The following API5 variants were observed in gnomAD, a reference collection of about 807,000 sequenced individuals.
The protein encoded by API5 is apoptosis inhibitor 5.
A neutral mutation model predicts 71.9 loss-of-function variants in API5; 6 were observed. The observed-to-expected ratio is 0.08, with a 90% CI of 0.05 to 0.16. The LOEUF (loss-of-function observed/expected upper bound fraction) is 0.16, where lower values mean the gene tolerates loss of function less well. Ranked by LOEUF, API5 falls within the 10% of genes least tolerant of loss-of-function variation. The pLI is 1.00. For missense variants in API5, 332 were observed against 612.8 expected, an observed-to-expected ratio of 0.54 and a Z score of 4.84; for synonymous variants, 189 against 221.3, an observed-to-expected ratio of 0.85 and a Z score of 1.30.
At chr11:43,322,469 CATAGT>C (rs1201843969) in intron 5 of API5, among the ~76,000 whole-genome samples, 2 of 152,136 alleles carry the variant, frequency 1.3e-5, no homozygotes, top group Non-Finnish European at 2.9e-5. Context: ...GATACTCTCT[CATAGT>C]ATTCTAAATT....
At chr11:43,315,913 T>A (rs949688442) in intron 1 of API5, among the ~76,000 whole-genome samples, 2 of 152,246 alleles carry the variant, frequency 1.3e-5, no homozygotes, top group Non-Finnish European at 2.9e-5. Flanking sequence ...TAAATATAGA[T>A]ACTTAATTTT....
intron 1 of API5, among the ~76,000 whole-genome samples, chr11:43,317,647 T>C (rs940475080): frequency 6.6e-5 from 10 of 152,184 alleles, no homozygotes; most frequent in African/African-American, 2.4e-4. Flanking sequence ...ACAGTGCAAT[T>C]CTTTGTGAAT....
intron 6 of API5, among the ~76,000 whole-genome samples, chr11:43,324,347 CTT>C (rs1279421651): frequency 6.6e-6 from 1 of 151,984 alleles, no homozygotes; most frequent in Non-Finnish European, 1.5e-5. Flanking sequence ...TTCCTAGAGA[CTT>C]TTTTTGAAAG....
intron 13 of API5, among the ~76,000 whole-genome samples, chr11:43,339,832 G>A (rs1362148881): frequency 6.6e-6 from 1 of 152,086 alleles, no homozygotes; most frequent in East Asian, 1.9e-4. Flanking sequence ...CCTGATTTTC[G>A]AAATTGATTA....
intron 2 of API5, among the ~76,000 whole-genome samples, 183 bp from the exon 3 acceptor site, chr11:43,320,638 A>G (rs2134348882): frequency 6.6e-6 from 1 of 151,952 alleles, no homozygotes; most frequent in East Asian, 1.9e-4. Context: ...GGCTAAGGCA[A>G]GAGGCTCTCT....
rs1855691232 is a variant in API5 at position 43,343,555 on chromosome 11, G to C, written c.*1045G>C. 1.3e-5 allele frequency: 2 copies of C among 152,602 alleles called. No homozygotes were observed. Among genetic ancestry groups the C allele is most frequent in the Admixed American group, 1.3e-4 (2 of 15,280 alleles). The allele number at this position is 152,602 out of a possible 1,614,324, so 9.5% of individuals were successfully genotyped here. The stretch of plus-strand genomic sequence containing the variant: ...GAGATTTAATAACCAGGGCTACCCA[G>C]AAAAAGTGACTTGATAACATGGTAC... On this transcript the variant is annotated 3_prime_UTR_variant, in exon 14 of 14. Coordinates refer to ENST00000531273, the MANE Select transcript of API5 (RefSeq NM_001142930.2).
chr11:43,327,429 ATATT>A (rs1468300232), intron 7 of API5, among the ~76,000 whole-genome samples: 2 of 152,238 alleles, frequency 1.3e-5, no homozygotes, highest in Non-Finnish European at 2.9e-5. Flanking sequence ...TATAGTTAAT[ATATT>A]TATCATTTTT....
rs1243700375 is a variant in API5, at chr11:43,342,769, G to T, written c.*259G>T. On this transcript the variant is annotated 3_prime_UTR_variant, in exon 14 of 14. Coordinates refer to ENST00000531273, the MANE Select transcript of API5 (RefSeq NM_001142930.2). Reference sequence around the variant, plus strand: ...AGTATCATTATTCAGACTTCAAATTGTGAATCTTTTAAACATCTTGATAAT... The same window carrying T: ...AGTATCATTATTCAGACTTCAAATTTTGAATCTTTTAAACATCTTGATAAT... The T allele has an allele frequency of 1.6e-5, 10 of 610,878 alleles. No homozygotes were observed. The highest frequency in any genetic ancestry group is 2.9e-5 in the Non-Finnish European group (10 of 342,820). 37.8% of individuals were successfully genotyped at this position (610,878 alleles called of 1,614,324 possible). A position where few individuals can be genotyped will look rare whatever the true frequency, so the allele number is the denominator to read the frequency against.
At chr11:43,333,644 T>C (rs1855332494) in intron 11 of API5, among the ~76,000 whole-genome samples, 1 of 152,178 alleles carries the variant, frequency 6.6e-6, no homozygotes, top group African/African-American at 2.4e-5. Context: ...GATTAACAGA[T>C]AGATACATGA....
intron 13 of API5, 194 bp downstream of exon 13, chr11:43,336,188 A>G (rs1590270392): frequency 6.2e-6 from 4 of 647,994 alleles, no homozygotes; most frequent in Non-Finnish European, 9.7e-6. Context: ...GGCTGACTGT[A>G]TTGAACATGC....
At chr11:43,327,271 G>A (rs989172354) in intron 7 of API5, among the ~76,000 whole-genome samples, 1 of 152,222 alleles carries the variant, frequency 6.6e-6, no homozygotes, top group African/African-American at 2.4e-5. Flanking sequence ...GACTGGGATT[G>A]GGAAATGCAG....
At chr11:43,322,174 G>A (rs769189457) in intron 5 of API5, 38 bp downstream of exon 5, 45 of 1,553,028 alleles carry the variant, frequency 2.9e-5, no homozygotes, top group Non-Finnish European at 3.8e-5. Context: ...ATTCTCTAAA[G>A]CAAAAGAGCA....
In API5 at chr11:43,331,722, T is replaced by G. The variant is rs147892500; in HGVS notation, c.1278+1158T>G. ...AAATTCAAGTTGTACAAGGGTCAGC[T>G]GCAGTTTGTATCAGAAGAGAGAGGG... is the stretch of plus-strand genomic sequence containing the variant. On this transcript the variant is annotated intron_variant, in intron 11 of 13. Transcript: ENST00000531273. 5.3e-4 allele frequency among the ~76,000 whole-genome samples: 80 copies of G among 152,264 alleles called. No homozygotes were observed. In the East Asian group the frequency reaches 0.013, roughly 25 times the overall value.
At chr11:43,325,370 C>G (rs543896868) in intron 6 of API5, among the ~76,000 whole-genome samples, 1 of 152,234 alleles carries the variant, frequency 6.6e-6, no homozygotes, top group Admixed American at 6.5e-5. Flanking sequence ...CCAAAGAAAT[C>G]AACAGTTTAC....
At position 43,312,089 on chromosome 11, in the gene API5, C is replaced by CA; in HGVS notation, c.-37dup. ...GAGGCGGCGGTGGCGCCGGTCAGGA[C>CA]AAGGATAGCGGAACCGGGCCCTGGG... On this transcript the variant is annotated 5_prime_UTR_variant, in exon 1 of 14. Transcript: ENST00000531273. 6.2e-7 allele frequency: 1 copy of CA among 1,611,036 alleles called. No homozygotes were observed. The highest frequency in any genetic ancestry group is 8.5e-7 in the Non-Finnish European group (1 of 1,178,444).
intron 6 of API5, among the ~76,000 whole-genome samples, chr11:43,324,777 A>C (rs1855011700): frequency 6.6e-6 from 1 of 152,046 alleles, no homozygotes; most frequent in Non-Finnish European, 1.5e-5. Flanking sequence ...TCCCAGATTC[A>C]AGCAATTCTC....
intron 13 of API5, among the ~76,000 whole-genome samples, chr11:43,336,415 C>G (rs887972533): frequency 6.6e-6 from 1 of 152,174 alleles, no homozygotes; most frequent in Non-Finnish European, 1.5e-5. Context: ...GCCTATACTC[C>G]CATCTTCTGT....
chr11:43,336,728 G>A (rs1484507166), intron 13 of API5, among the ~76,000 whole-genome samples: 2 of 152,128 alleles, frequency 1.3e-5, no homozygotes, highest in Admixed American at 6.6e-5. Flanking sequence ...CAAAGTTTAG[G>A]CCGGGGGCAG....
chr11:43,332,705 C>A (rs562967920), intron 11 of API5, among the ~76,000 whole-genome samples: 2 of 152,070 alleles, frequency 1.3e-5, no homozygotes, highest in Non-Finnish European at 2.9e-5. Flanking sequence ...CACACACACA[C>A]AGAGTCCTTT....
Sources: gnomAD v4.1 joint callset for allele counts (sites outside exome capture counted in the v4.1 genomes callset) on GRCh38, gnomAD v4.1.1 for gene constraint, MANE v1.5 for transcripts, NCBI Gene and HGNC (gene_info 2026-07-23, HGNC 2026-07-21) for gene names.